FGGY: variants seen among roughly 807,000 people sequenced by gnomAD.
The protein encoded by FGGY is FGGY carbohydrate kinase domain containing, also known as FGGY carbohydrate kinase domain-containing protein.
In FGGY, 72 loss-of-function variants were observed where a neutral mutation model predicts 71.3. The observed-to-expected ratio is 1.01, with a 90% CI of 0.84 to 1.23. The LOEUF (loss-of-function observed/expected upper bound fraction) is 1.23. Ranked by LOEUF, FGGY falls within the 50% of genes most tolerant of loss-of-function variation. The pLI is 0.00. For missense variants in FGGY, 668 were observed against 682.3 expected, an observed-to-expected ratio of 0.98 and a Z score of 0.23; for synonymous variants, 251 against 250.3, an observed-to-expected ratio of 1.00 and a Z score of -0.02.
chr1:59,309,809 CTA>C (rs768898201), intron 1 of FGGY, among the ~76,000 whole-genome samples: 7 of 152,120 alleles, frequency 4.6e-5, no homozygotes, highest in Admixed American at 1.3e-4. Flanking sequence ...AACCCTGTCT[CTA>C]CTAAAAATAC....
At chr1:59,363,417 C>T (rs2055980147) in intron 4 of FGGY, among the ~76,000 whole-genome samples, 2 of 152,136 alleles carry the variant, frequency 1.3e-5, no homozygotes, top group African/African-American at 2.4e-5. Flanking sequence ...AAACAGATTA[C>T]CTATATTTGT....
chr1:59,476,207 C>G (rs2093258358), intron 6 of FGGY, among the ~76,000 whole-genome samples: 1 of 152,220 alleles, frequency 6.6e-6, no homozygotes, highest in African/African-American at 2.4e-5. Flanking sequence ...CCCAAACACT[C>G]TCTTCTACTC....
At chr1:59,371,974 C>T (rs1231790955) in intron 4 of FGGY, among the ~76,000 whole-genome samples, 1 of 152,032 alleles carries the variant, frequency 6.6e-6, no homozygotes, top group East Asian at 1.9e-4. Context: ...CCAAAATTGA[C>T]ACCCTAACAT....
intron 14 of FGGY, among the ~76,000 whole-genome samples, chr1:59,693,419 C>T (rs1384295529): frequency 6.6e-6 from 1 of 152,202 alleles, no homozygotes; most frequent in African/African-American, 2.4e-5. Flanking sequence ...GGCACTGGCA[C>T]CTCCCTCATA....
intron 14 of FGGY, among the ~76,000 whole-genome samples, chr1:59,709,222 C>T (rs2097776421): frequency 6.6e-6 from 1 of 152,148 alleles, no homozygotes; most frequent in Non-Finnish European, 1.5e-5. Flanking sequence ...AGGAAACTTA[C>T]AATCATGGTG....
intron 14 of FGGY, among the ~76,000 whole-genome samples, chr1:59,703,004 T>C (rs2097722785): frequency 6.6e-6 from 1 of 152,178 alleles, no homozygotes; most frequent in Non-Finnish European, 1.5e-5. Context: ...TCTGTTATTC[T>C]AAAGTGATCT....
chr1:59,409,625 A>T (rs868608878), intron 5 of FGGY, among the ~76,000 whole-genome samples: 119 of 138,814 alleles, frequency 8.6e-4, no homozygotes, highest in Middle Eastern at 3.6e-3. Flanking sequence ...TATATATATA[A>T]ACAGACAAGG....
At chr1:59,572,663 G>A (rs1031889032) in intron 8 of FGGY, among the ~76,000 whole-genome samples, 6 of 152,158 alleles carry the variant, frequency 3.9e-5, no homozygotes, top group African/African-American at 1.2e-4. Context: ...TGGTGGGGGA[G>A]ATGAGATGTC....
chr1:59,663,017 T>G (rs1227202611), intron 12 of FGGY, among the ~76,000 whole-genome samples: 2 of 140,712 alleles, frequency 1.4e-5, no homozygotes, highest in Admixed American at 1.5e-4. Context: ...TTTGAGCACA[T>G]GCTAAGAGGA....
rs1265005776 is a variant in FGGY, at chr1:59,730,825, A to G, written c.1513-27106A>G. Among the ~76,000 whole-genome samples the G allele has an allele frequency of 2.6e-5, 4 of 152,218 alleles. No individual in the cohort carries two copies. In the East Asian group the frequency reaches 5.8e-4, roughly 22 times the overall value. ...AAACAATGAGTAGCTGTTAGCCTGT[A>G]TAGTGGAGAGGGACCCAGCCAAGGA... is the stretch of plus-strand genomic sequence containing the variant. On this transcript the variant is annotated intron_variant, in intron 14 of 15. Transcript: ENST00000303721.
At chr1:59,434,861 T>G (rs368049583) in intron 5 of FGGY, among the ~76,000 whole-genome samples, 2 of 152,200 alleles carry the variant, frequency 1.3e-5, no homozygotes, top group African/African-American at 2.4e-5. Flanking sequence ...ATACACACAC[T>G]GTCTATATTG....
chr1:59,326,536 A>G (rs1409171890), intron 2 of FGGY, among the ~76,000 whole-genome samples: 2 of 152,202 alleles, frequency 1.3e-5, no homozygotes, highest in Admixed American at 1.3e-4. Flanking sequence ...AGGGCCAGAG[A>G]GTTAAGTGAT....
intron 1 of FGGY, among the ~76,000 whole-genome samples, chr1:59,310,367 A>G (rs2153093115): frequency 6.6e-6 from 1 of 152,354 alleles, no homozygotes; most frequent in South Asian, 2.1e-4. Context: ...GAAACTGTGT[A>G]TATGTTTAAA....
chr1:59,601,963 C>T (rs2096582465), intron 8 of FGGY, among the ~76,000 whole-genome samples: 1 of 152,290 alleles, frequency 6.6e-6, no homozygotes, highest in East Asian at 1.9e-4. Flanking sequence ...GTAAGTACTT[C>T]AAGAAGCCCC....
intron 8 of FGGY, among the ~76,000 whole-genome samples, chr1:59,560,485 A>G (rs1270509909): frequency 6.6e-6 from 1 of 152,238 alleles, no homozygotes; most frequent in African/African-American, 2.4e-5. Context: ...ACTGTGACAT[A>G]TATACTTGAC....
intron 6 of FGGY, among the ~76,000 whole-genome samples, chr1:59,505,913 TG>T (rs2094367198): frequency 1.3e-5 from 2 of 152,160 alleles, no homozygotes; most frequent in Admixed American, 1.3e-4. Context: ...GAAGAGGGAC[TG>T]CAACCACCAG....
chr1:59,529,076 C>T lies in FGGY; in HGVS notation c.799+16637C>T, dbSNP rs544787258. 1.2e-3 allele frequency among the ~76,000 whole-genome samples: 176 copies of T among 152,270 alleles called. 1 individual carries two copies. Among genetic ancestry groups the T allele is most frequent in the African/African-American group, 3.9e-3 (164 of 41,568 alleles). ...TCATCTTCATCTCTGTGTCTCTTAG[C>T]TCAGTAAATGAATGAATATATGCAT... On this transcript the variant is annotated intron_variant, in intron 7 of 15. Transcript: ENST00000303721.
chr1:59,335,307 G>A (rs563092988), intron 2 of FGGY, among the ~76,000 whole-genome samples: 6 of 152,198 alleles, frequency 3.9e-5, no homozygotes, highest in South Asian at 4.1e-4. Flanking sequence ...ATCACATAGC[G>A]TGCTTTCTTT....
intron 9 of FGGY, among the ~76,000 whole-genome samples, chr1:59,620,016 A>G (rs900990941): frequency 1.3e-5 from 2 of 151,960 alleles, no homozygotes; most frequent in African/African-American, 4.8e-5. Context: ...CAGAAAAGAG[A>G]GAGGCCAAGG....
Sources: allele counts gnomAD v4.1 joint callset (sites outside exome capture counted in the v4.1 genomes callset), GRCh38; gene constraint gnomAD v4.1.1; transcripts MANE v1.5; gene names NCBI Gene and HGNC (gene_info 2026-07-23, HGNC 2026-07-21).